The following ACSS2 variants were observed in gnomAD, a reference collection of about 807,000 sequenced individuals.
ACSS2 encodes acyl-CoA synthetase short chain family member 2.
In ACSS2, 58 loss-of-function variants were observed where a neutral mutation model predicts 90.6. The ratio of observed to expected loss-of-function variants is 0.64; its 90% confidence interval spans 0.52 to 0.80. The LOEUF is 0.80. Ranked by LOEUF, ACSS2 falls within the 30% of genes least tolerant of loss-of-function variation. The probability of loss-of-function intolerance (pLI) is 0.00; values close to 1 mark genes in which losing one functional copy is unlikely to be tolerated. For synonymous variants in ACSS2, 300 were observed against 330.9 expected (o/e 0.91, Z 1.01); for missense variants, 759 against 912.0 (o/e 0.83, Z 2.16).
chr20:34,905,658 A>G (rs2080781466), intron 2 of ACSS2, among the ~76,000 whole-genome samples: 1 of 152,210 alleles, frequency 6.6e-6, no homozygotes, highest in Admixed American at 6.5e-5. Flanking sequence ...AAAAGCTGAC[A>G]GGAACCAAGT....
chr20:34,876,091 T>C (rs1184612166), upstream of ACSS2, among the ~76,000 whole-genome samples: 1 of 152,114 alleles, frequency 6.6e-6, no homozygotes, highest in Non-Finnish European at 1.5e-5. Context: ...TGCAATCAGA[T>C]CACGGGGCGG....
At chr20:34,891,129 C>T (rs1414292813) in intron 2 of ACSS2, among the ~76,000 whole-genome samples, 1 of 152,134 alleles carries the variant, frequency 6.6e-6, no homozygotes, top group Non-Finnish European at 1.5e-5. Flanking sequence ...CCTTCTCAAC[C>T]ATCCCCACCT....
At chr20:34,906,718 C>T (rs2080814989) in intron 2 of ACSS2, among the ~76,000 whole-genome samples, 1 of 152,084 alleles carries the variant, frequency 6.6e-6, no homozygotes, top group African/African-American at 2.4e-5. Context: ...TGCAGTGGCT[C>T]ACGCCTGTAA....
chr20:34,876,492 C>G, upstream of ACSS2: 1 of 846,030 alleles, frequency 1.2e-6, no homozygotes, highest in Non-Finnish European at 1.6e-6. Flanking sequence ...CGGCCCCGCC[C>G]CCTCTGGCAC....
Position 34,927,289 on chromosome 20 carries a change from T to C in ACSS2, c.*75T>C, listed in dbSNP as rs1569005223. 6.3e-7 allele frequency: 1 copy of C among 1,585,136 alleles called. No individual in the cohort carries two copies. Among genetic ancestry groups the C allele is most frequent in the Non-Finnish European group, 8.6e-7 (1 of 1,166,518 alleles). On this transcript the variant is annotated 3_prime_UTR_variant, in exon 18 of 18. Coordinates refer to ENST00000360596, the MANE Select transcript of ACSS2 (RefSeq NM_018677.4). The surrounding 1 kb of genome is among the most constrained non-coding windows in gnomAD (Gnocchi z 4.2). ...ATCCTCTTTGCCCCCTCAGGAGTGC[T>C]GAGGGCCAGTGTTGACCCACACTAC...
At chr20:34,884,610 A>G (rs149867941) in intron 2 of ACSS2, among the ~76,000 whole-genome samples, 1 of 152,272 alleles carries the variant, frequency 6.6e-6, no homozygotes, top group Non-Finnish European at 1.5e-5. Flanking sequence ...TTATACTACC[A>G]TTGCTTAGTT....
In ACSS2 at chr20:34,913,766, C is replaced by T. The variant is rs371982555; in HGVS notation, c.584C>T (p.Ser195Phe). 2.0e-5 allele frequency: 33 copies of T among 1,614,010 alleles called. No individual in the cohort carries two copies. Among genetic ancestry groups the T allele is most frequent in the Non-Finnish European group, 2.6e-5 (31 of 1,179,998 alleles). The stretch of plus-strand genomic sequence containing the variant: ...TCCCTTCCCTAGTTTGCAGGCTTCT[C>T]TTCAGAGTCTCTATGTGAACGGATC... ...ALHSIVFAGF[S>F]SESLCERILD... Residue 195 changes from serine to phenylalanine, a missense_variant, in exon 5 of 18, where the codon TCT (serine) becomes TTT (phenylalanine). Ser to Phe is a radical substitution (Grantham distance 155). Transcript: ENST00000360596.
chr20:34,889,298 A>G (rs986956207), intron 2 of ACSS2, among the ~76,000 whole-genome samples: 5 of 151,558 alleles, frequency 3.3e-5, no homozygotes, highest in African/African-American at 1.2e-4. Context: ...AATTTTTTGT[A>G]TTTTTAGTAG....
At chr20:34,877,897 C>CAGATAGACAGATAGAT in intron 1 of ACSS2, among the ~76,000 whole-genome samples, 1 of 91,130 alleles carries the variant, frequency 1.1e-5, no homozygotes, top group South Asian at 4.0e-4. Flanking sequence ...GGGTAAAGGA[C>CAGATAGACAGATAGAT]AGATAGATAG....
Position 34,926,136 on chromosome 20 carries a change from A to G in ACSS2, c.1758A>G (p.Ser586=), listed in dbSNP as rs142513718. 211 of 1,614,234 alleles carry G rather than the reference A, an allele frequency of 1.3e-4. No individual in the cohort carries two copies. The African/African-American group carries it at 2.0e-3, about 15-fold the overall frequency. The change falls in exon 16 of 18, where the codon TCA becomes TCG. Residue 586 remains serine (S), a synonymous_variant. Transcript: ENST00000360596. ...GHLLSTAEVE[S]ALVEHEAVAE... is the part of the protein sequence containing the mutation. ...TGCTGAGTACAGCAGAGGTGGAGTC[A>G]GCACTTGTGGAACATGAGGCTGTTG...
intron 14 of ACSS2, among the ~76,000 whole-genome samples, chr20:34,923,648 G>T (rs1465708732): frequency 1.3e-5 from 2 of 152,182 alleles, no homozygotes; most frequent in East Asian, 3.8e-4. Flanking sequence ...TTCCAATCAC[G>T]GCAGAAAGCA....
At chr20:34,885,991 T>TTTTTTTTTTGAGACGG (rs2080183083) in intron 2 of ACSS2, among the ~76,000 whole-genome samples, 1 of 149,904 alleles carries the variant, frequency 6.7e-6, no homozygotes, top group African/African-American at 2.5e-5. Flanking sequence ...TTTATGTTTA[T>TTTTTTTTTTGAGACGG]AGTAAAGCAA....
chr20:34,878,911 T>C lies in ACSS2; in HGVS notation c.178+2088T>C, dbSNP rs199702369. On this transcript the variant is annotated intron_variant, in intron 1 of 17. Transcript: ENST00000360596. Reference sequence around the variant, plus strand: ...TCTGCTTTTCTTTTTTTTTTTTTTTTCTTTTTTTTTTGAGACGGAGTCTCG... The same window carrying C: ...TCTGCTTTTCTTTTTTTTTTTTTTTCCTTTTTTTTTTGAGACGGAGTCTCG... 1.6e-3 allele frequency among the ~76,000 whole-genome samples: 202 copies of C among 123,132 alleles called. 1 individual carries two copies. The highest frequency in any genetic ancestry group is 4.5e-3 in the African/African-American group (159 of 35,150). The allele number at this position is 123,132 out of a possible 152,430, so 80.8% of individuals were successfully genotyped here.
At position 34,926,967 on chromosome 20, in the gene ACSS2, T is replaced by A; in HGVS notation, c.1978+16T>A. 1 of 1,614,124 alleles carries A rather than the reference T, an allele frequency of 6.2e-7. No individual in the cohort carries two copies. The highest frequency in any genetic ancestry group is 8.5e-7 in the Non-Finnish European group (1 of 1,180,022). Reference sequence around the variant, plus strand: ...ACCCGCTCAGGTATGTTCAGAGGCCTCCATGGATTGGGATGGGCTGAGGCC... The same window carrying A: ...ACCCGCTCAGGTATGTTCAGAGGCCACCATGGATTGGGATGGGCTGAGGCC... On this transcript the variant is annotated intron_variant, in intron 17 of 17. Transcript: ENST00000360596.
At chr20:34,876,609 A>G (rs2079914749), upstream of ACSS2, 2 of 1,283,766 alleles carry the variant, frequency 1.6e-6, no homozygotes, top group Middle Eastern at 2.7e-4. Context: ...ACCCGCCGCG[A>G]CCGCAAAGGC....
Position 34,927,033 on chromosome 20 carries a change from G to A in ACSS2, c.1979-54G>A. 1.9e-6 allele frequency: 3 copies of A among 1,614,076 alleles called. No individual in the cohort carries two copies. The highest frequency in any genetic ancestry group is 2.2e-5 in the South Asian group (2 of 91,074). On this transcript the variant is annotated intron_variant, in intron 17 of 17. Coordinates refer to ENST00000360596, the MANE Select transcript of ACSS2 (RefSeq NM_018677.4). This position sits in a 1 kb window ranked among gnomAD's most constrained non-coding sequence, Gnocchi z 4.2. ...GTGCGTGGATGAAAGCCTTTGGCAG[G>A]GCTAGGGTGGGTCAGTGCTTTCACC...
intron 7 of ACSS2, among the ~76,000 whole-genome samples, chr20:34,917,763 TG>T (rs1470031093): frequency 6.6e-6 from 1 of 152,190 alleles, no homozygotes; most frequent in African/African-American, 2.4e-5. Context: ...TTTTTGTTTT[TG>T]TTTTTTGAGA....
chr20:34,900,035 T>C (rs1456655942), intron 2 of ACSS2, among the ~76,000 whole-genome samples: 1 of 152,214 alleles, frequency 6.6e-6, no homozygotes, highest in African/African-American at 2.4e-5. Flanking sequence ...CGGCAATGTA[T>C]GAGGTTTCCA....
At chr20:34,909,291 C>A (rs2080889533) in intron 2 of ACSS2, among the ~76,000 whole-genome samples, 1 of 151,144 alleles carries the variant, frequency 6.6e-6, no homozygotes, top group Non-Finnish European at 1.5e-5. Context: ...TCACTTGAGT[C>A]TGGGAGGTTG....
Sources: gnomAD v4.1 joint callset for allele counts (sites outside exome capture counted in the v4.1 genomes callset) on GRCh38, gnomAD v4.1.1 for gene constraint, Gnocchi (gnomAD v3.1) non-coding constraint, MANE v1.5 for transcripts, NCBI Gene and HGNC (gene_info 2026-07-23, HGNC 2026-07-21) for gene names.